The following FLT3 variants were observed in gnomAD, a reference collection of about 807,000 sequenced individuals.
The protein encoded by FLT3 is fms related receptor tyrosine kinase 3.
In FLT3, 46 loss-of-function variants were observed where a neutral mutation model predicts 126.6. The observed-to-expected ratio is 0.36, with a 90% CI of 0.29 to 0.46. The LOEUF is 0.46. FLT3 is among the 20% of genes least tolerant of loss of function. FLT3 has a pLI of 1.00. For synonymous variants in FLT3, 404 were observed against 434.4 expected, an observed-to-expected ratio of 0.93 and a Z score of 0.87; for missense variants, 1,069 against 1,190.3, an observed-to-expected ratio of 0.90 and a Z score of 1.50.
chr13:28,080,302 G>C (rs1282575528), intron 1 of FLT3, among the ~76,000 whole-genome samples: 1 of 152,242 alleles, frequency 6.6e-6, no homozygotes, highest in Non-Finnish European at 1.5e-5. Flanking sequence ...CTTGAACCCA[G>C]GAGGTGGAGA....
chr13:28,060,689 C>T (rs948872594), intron 3 of FLT3, among the ~76,000 whole-genome samples: 2 of 151,994 alleles, frequency 1.3e-5, no homozygotes, highest in Admixed American at 6.6e-5. Context: ...CACCGAACAT[C>T]CCCCTCTGGG....
intron 1 of FLT3, among the ~76,000 whole-genome samples, chr13:28,084,326 T>A (rs1338308834): frequency 6.6e-6 from 1 of 152,220 alleles, no homozygotes; most frequent in Admixed American, 6.5e-5. Flanking sequence ...ATTAATTTTT[T>A]ATTTTTTTAC....
chr13:28,095,060 T>C (rs1427078924), intron 1 of FLT3, among the ~76,000 whole-genome samples: 1 of 152,120 alleles, frequency 6.6e-6, no homozygotes, highest in Non-Finnish European at 1.5e-5. Context: ...TTTCTGGAAG[T>C]CATAGAAAAA....
intron 2 of FLT3, among the ~76,000 whole-genome samples, chr13:28,064,782 C>T (rs1202325568): frequency 6.6e-6 from 1 of 152,124 alleles, no homozygotes; most frequent in Non-Finnish European, 1.5e-5. Flanking sequence ...CCCTGCACAA[C>T]CCTTCTGGAG....
intron 23 of FLT3, among the ~76,000 whole-genome samples, chr13:28,012,666 G>A (rs1427152448): frequency 6.6e-6 from 1 of 152,128 alleles, no homozygotes; most frequent in East Asian, 1.9e-4. Context: ...CAGGCGTGGT[G>A]GCTCATGCCT....
At chr13:28,073,956 A>AG (rs34444701) in intron 1 of FLT3, among the ~76,000 whole-genome samples, 2 of 149,738 alleles carry the variant, frequency 1.3e-5, no homozygotes, top group Non-Finnish European at 3.0e-5. Context: ...AAAAAAAAAA[A>AG]GAAAAGAAAA....
chr13:28,022,498 C>T (rs1221959682), intron 19 of FLT3, among the ~76,000 whole-genome samples: 7 of 151,846 alleles, frequency 4.6e-5, no homozygotes, highest in Non-Finnish European at 8.8e-5. Context: ...GGCAACAGAG[C>T]GAGACTGTCT....
rs140025414 is a variant in FLT3, at chr13:28,082,053, G to A, written c.44-11441C>T. Among the ~76,000 whole-genome samples, 742 of 151,666 alleles carry A rather than the reference G, an allele frequency of 4.9e-3. 3 individuals carry two copies. The highest frequency in any genetic ancestry group is 0.024 in the Middle Eastern group (7 of 294). On this transcript the variant is annotated intron_variant, in intron 1 of 23. Transcript: ENST00000241453. ...ATATTTTTAGTAAAGACAGGGTTTC[G>A]CCATGTTGCCCAGGTTGGTCTCGAA...
chr13:28,042,094 C>T (rs191641626), intron 9 of FLT3, among the ~76,000 whole-genome samples: 358 of 150,116 alleles, frequency 2.4e-3, no homozygotes, highest in African/African-American at 8.1e-3. Flanking sequence ...TGCAGTGAGC[C>T]GAGATCGCAC....
intron 17 of FLT3, chr13:28,025,497 A>G (rs1248092042): frequency 2.9e-6 from 1 of 346,062 alleles, no homozygotes; most frequent in Non-Finnish European, 5.7e-6. Context: ...TGTAGGAATT[A>G]TAAGTAGATC....
intron 1 of FLT3, among the ~76,000 whole-genome samples, chr13:28,094,070 T>C (rs1417401067): frequency 6.6e-6 from 1 of 152,230 alleles, no homozygotes; most frequent in East Asian, 1.9e-4. Context: ...ACAAGTATTA[T>C]CTGATGAAGG....
At chr13:28,088,860 A>C (rs918698743) in intron 1 of FLT3, among the ~76,000 whole-genome samples, 2 of 147,796 alleles carry the variant, frequency 1.4e-5, no homozygotes, top group Non-Finnish European at 3.0e-5. Context: ...CTGGGATTAC[A>C]AGCGTGAGCT....
At position 28,033,946 on chromosome 13, in the gene FLT3, G is replaced by A. The variant is rs1593240299; in HGVS notation, c.1883C>T (p.Thr628Ile). The A allele has an allele frequency of 6.2e-7, 1 of 1,614,178 alleles. No homozygotes were observed. Among genetic ancestry groups the A allele is most frequent in the African/African-American group, 1.3e-5 (1 of 75,054 alleles). ...SGAFGKVMNA[T>I]AYGISKTGVS... is the part of the protein sequence containing the mutation. Reference sequence around the variant, plus strand: ...TCCTGTTTTGCTAATTCCATAAGCTGTTGCGTTCATCACTTTTCCAAAAGC... The same window carrying A: ...TCCTGTTTTGCTAATTCCATAAGCTATTGCGTTCATCACTTTTCCAAAAGC... The change falls in exon 15 of 24, where the codon ACA (threonine) becomes ATA (isoleucine). Residue 628 changes from threonine (T) to isoleucine (I), a missense_variant. By Grantham distance (89) the Thr-to-Ile change is moderately conservative. Transcript: ENST00000241453.
chr13:28,078,528 C>T (rs1038303102), intron 1 of FLT3, among the ~76,000 whole-genome samples: 6 of 152,134 alleles, frequency 3.9e-5, no homozygotes, highest in African/African-American at 1.4e-4. Context: ...ATCCTGGGCT[C>T]AGCCCATGAA....
intron 12 of FLT3, among the ~76,000 whole-genome samples, 166 bp from the exon 13 acceptor site, chr13:28,034,573 T>A (rs1873661940): frequency 6.6e-6 from 1 of 152,196 alleles, no homozygotes; most frequent in African/African-American, 2.4e-5. Context: ...TCAGGCAATG[T>A]CCCTGTAAAG....
At chr13:28,031,144 C>T (rs542162822) in intron 15 of FLT3, among the ~76,000 whole-genome samples, 41 of 151,916 alleles carry the variant, frequency 2.7e-4, no homozygotes, top group African/African-American at 9.4e-4. Context: ...AGGAGAATGG[C>T]GTGAACCCAG....
intron 1 of FLT3, among the ~76,000 whole-genome samples, chr13:28,082,298 A>G (rs1279332806): frequency 1.3e-5 from 2 of 152,080 alleles, no homozygotes; most frequent in Admixed American, 1.3e-4. Context: ...CTACATGCAC[A>G]TACCACCACA....
intron 9 of FLT3, among the ~76,000 whole-genome samples, chr13:28,044,189 C>T (rs1283986012): frequency 6.7e-6 from 1 of 149,904 alleles, no homozygotes; most frequent in African/African-American, 2.5e-5. Flanking sequence ...TGGTTCATAC[C>T]TGTAATCCCA....
At chr13:28,072,757 A>T (rs1877626737) in intron 1 of FLT3, among the ~76,000 whole-genome samples, 1 of 151,084 alleles carries the variant, frequency 6.6e-6, no homozygotes, top group African/African-American at 2.4e-5. Flanking sequence ...TAATCCCAGC[A>T]CTTTGGGAGG....
Sources: gnomAD v4.1 joint callset for allele counts (sites outside exome capture counted in the v4.1 genomes callset) on GRCh38, gnomAD v4.1.1 for gene constraint, MANE v1.5 for transcripts, NCBI Gene and HGNC (gene_info 2026-07-23, HGNC 2026-07-21) for gene names.